Variants in MAST4 observed in about 807,000 individuals in gnomAD.
The protein encoded by MAST4 is microtubule associated serine/threonine kinase family member 4, also known as microtubule-associated serine/threonine-protein kinase 4.
In MAST4, 89 loss-of-function variants were observed where a neutral mutation model predicts 162.7. That is an observed-to-expected ratio of 0.55 (90% CI 0.46 to 0.65). MAST4 has a LOEUF of 0.65. Among genes scored for constraint, MAST4 ranks in the 30% least tolerant of loss-of-function variants. MAST4 has a pLI of 0.00. For synonymous variants in MAST4, 1,479 were observed against 1,361.1 expected (o/e 1.09, Z -1.91); for missense variants, 3,153 against 3,374.0 (o/e 0.93, Z 1.62).
chr5:66,870,367 A>G (rs1760840230), intron 3 of MAST4, among the ~76,000 whole-genome samples: 1 of 152,160 alleles, frequency 6.6e-6, no homozygotes, highest in South Asian at 2.1e-4. Flanking sequence ...AATGGGTGGG[A>G]TGTCTAACCC....
rs765155684 is a variant in MAST4 at position 67,131,806 on chromosome 5, G to A, written c.1955-7G>A. ...TATAGCTACTAACTCTTTTTCCTGT[G>A]TTACAGGGGGAGACTGTGCTACTTT... On this transcript the variant is annotated splice_region_variant and splice_polypyrimidine_tract_variant and intron_variant, in intron 15 of 28. Coordinates refer to ENST00000403625, the MANE Select transcript of MAST4 (RefSeq NM_001164664.2). 45 of 1,610,796 alleles carry A rather than the reference G, an allele frequency of 2.8e-5. No individual in the cohort carries two copies. The African/African-American group carries it at 5.5e-4, about 20-fold the overall frequency.
intron 6 of MAST4, among the ~76,000 whole-genome samples, chr5:67,091,107 A>C (rs1487540082): frequency 2.0e-5 from 3 of 152,196 alleles, no homozygotes; most frequent in African/African-American, 7.2e-5. Context: ...TTAAAGTAGG[A>C]CTTAATAAAG....
chr5:67,118,182 A>G (rs989828206), intron 12 of MAST4, among the ~76,000 whole-genome samples: 4 of 152,192 alleles, frequency 2.6e-5, no homozygotes, highest in Non-Finnish European at 1.5e-5. Context: ...AACCACCATT[A>G]TTACTTCCTC....
chr5:67,166,367 C>A lies in MAST4; in HGVS notation c.7188C>A (p.Ser2396Arg). Residue 2396 changes from serine to arginine, a missense_variant, in exon 29 of 29, where the codon AGC becomes AGA. Physicochemically the swap from Ser to Arg is moderately radical, Grantham distance 110. Around this residue, in one of 7 missense-constraint regions of MAST4, gnomAD observed 1,644 missense variants for 1,495.0 expected, o/e 1.10. Transcript: ENST00000403625. ...KLEAGLSFVH[S>R]ENRLKGAERP... Reference sequence around the variant, plus strand: ...AGGCCGGCCTTTCCTTTGTGCATAGCGAGAACCGGTTGAAAGGCGCGGAGC... The same window carrying A: ...AGGCCGGCCTTTCCTTTGTGCATAGAGAGAACCGGTTGAAAGGCGCGGAGC... 6.2e-7 allele frequency: 1 copy of A among 1,611,060 alleles called. No individual in the cohort carries two copies. Among genetic ancestry groups the A allele is most frequent in the South Asian group, 1.1e-5 (1 of 90,450 alleles).
chr5:66,949,588 A>G (rs1416447097), intron 4 of MAST4, among the ~76,000 whole-genome samples: 1 of 152,182 alleles, frequency 6.6e-6, no homozygotes, highest in East Asian at 1.9e-4. Flanking sequence ...ACCCAGTCTC[A>G]GGTATGTCTA....
chr5:66,965,428 T>C (rs1746596299), intron 4 of MAST4, among the ~76,000 whole-genome samples: 1 of 151,792 alleles, frequency 6.6e-6, no homozygotes, highest in Non-Finnish European at 1.5e-5. Context: ...GATGGCATCA[T>C]TAGTAGAAGA....
chr5:66,740,505 A>T (rs1355471272), intron 1 of MAST4, among the ~76,000 whole-genome samples: 3 of 152,140 alleles, frequency 2.0e-5, no homozygotes, highest in African/African-American at 7.2e-5. Context: ...TGCTTGTTAC[A>T]TCTGTGCTTG....
chr5:66,611,829 A>G (rs761972951), intron 1 of MAST4, among the ~76,000 whole-genome samples: 4 of 152,232 alleles, frequency 2.6e-5, no homozygotes, highest in African/African-American at 4.8e-5. Flanking sequence ...CTGAAGGTGT[A>G]TATTTAATTA....
chr5:66,947,925 C>T (rs1387823867), intron 4 of MAST4, among the ~76,000 whole-genome samples: 2 of 152,132 alleles, frequency 1.3e-5, no homozygotes, highest in African/African-American at 4.8e-5. Flanking sequence ...AATAATCTCA[C>T]ATTGCCTGGA....
intron 2 of MAST4, among the ~76,000 whole-genome samples, chr5:66,772,855 A>G (rs1176539180): frequency 6.6e-6 from 1 of 152,130 alleles, no homozygotes; most frequent in Non-Finnish European, 1.5e-5. Context: ...AGTAGTAAAT[A>G]ATTTTAGCTA....
At chr5:66,956,015 G>A (rs1325503378) in intron 4 of MAST4, among the ~76,000 whole-genome samples, 1 of 151,466 alleles carries the variant, frequency 6.6e-6, no homozygotes, top group African/African-American at 2.4e-5. Flanking sequence ...TAAAGACAGG[G>A]TCTTGCTATG....
intron 4 of MAST4, among the ~76,000 whole-genome samples, chr5:66,941,597 G>C (rs942175685): frequency 3.9e-5 from 6 of 152,116 alleles, no homozygotes; most frequent in African/African-American, 1.4e-4. Flanking sequence ...CAGCAAGAAG[G>C]CTGTTTCACT....
At chr5:67,110,250 A>T in intron 11 of MAST4, 51 bp downstream of exon 11, 5 of 1,320,746 alleles carry the variant, frequency 3.8e-6, no homozygotes, top group Middle Eastern at 1.8e-4. Context: ...CTGGGAAAGC[A>T]GTTACCATCA....
At chr5:66,791,104 A>G (rs1016365621) in intron 3 of MAST4, among the ~76,000 whole-genome samples, 2 of 152,124 alleles carry the variant, frequency 1.3e-5, no homozygotes, top group African/African-American at 4.8e-5. Context: ...GCTCACTGCA[A>G]CCTCTGTCTT....
chr5:67,165,885 A>G lies in MAST4; in HGVS notation c.6706A>G (p.Ser2236Gly), dbSNP rs56027793. ...TGCCACTCAGTCCCTCGGTGGCTCTAGCAGAGAGGGGAAGGGCCACAGTAA... is the reference window on the plus strand; with the variant it reads ...TGCCACTCAGTCCCTCGGTGGCTCTGGCAGAGAGGGGAAGGGCCACAGTAA... The part of the protein sequence containing the change: ...EPATQSLGGS[S>G]REGKGHSKSG... The change falls in exon 29 of 29, where the codon AGC becomes GGC. Residue 2236 changes from serine (S) to glycine (G), a missense_variant. Ser to Gly is a moderately conservative substitution (Grantham distance 56, BLOSUM62 0). Coordinates refer to ENST00000403625, the MANE Select transcript of MAST4 (RefSeq NM_001164664.2). The G allele has an allele frequency of 1.1e-3, 1,844 of 1,613,338 alleles. 23 individuals carry two copies. The African/African-American group carries it at 0.02, about 18-fold the overall frequency.
At chr5:66,704,928 T>C (rs1750033451) in intron 1 of MAST4, among the ~76,000 whole-genome samples, 1 of 152,198 alleles carries the variant, frequency 6.6e-6, no homozygotes. Context: ...TCAGCTGTTT[T>C]AGAGTGCTAA....
At chr5:66,986,591 T>A (rs977238165) in intron 4 of MAST4, 6 of 342,632 alleles carry the variant, frequency 1.8e-5, no homozygotes, top group African/African-American at 1.5e-4. Flanking sequence ...AAAATATATA[T>A]GTATGAATTT....
At chr5:66,670,754 ATTT>A (rs11383652) in intron 1 of MAST4, among the ~76,000 whole-genome samples, 2 of 146,192 alleles carry the variant, frequency 1.4e-5, no homozygotes. Context: ...AGTAAGCATG[ATTT>A]TTTTTTTTTT....
chr5:66,641,437 G>A (rs6864081), intron 1 of MAST4, among the ~76,000 whole-genome samples: 3,030 of 152,258 alleles, frequency 0.02, 96 homozygotes, highest in African/African-American at 0.068. Flanking sequence ...GATTACAGGC[G>A]TGAGCCACCG....
Sources: gnomAD v4.1 joint callset for allele counts (sites outside exome capture counted in the v4.1 genomes callset) on GRCh38, gnomAD v4.1.1 for gene constraint, gnomAD v4.1.1 regional missense constraint, MANE v1.5 for transcripts, NCBI Gene and HGNC (gene_info 2026-07-23, HGNC 2026-07-21) for gene names.